PDE4D: variants seen among roughly 807,000 people sequenced by gnomAD.
The protein encoded by PDE4D is phosphodiesterase 4D, also known as 3',5'-cyclic-AMP phosphodiesterase 4D.
In PDE4D, 24 loss-of-function variants were observed where a neutral mutation model predicts 87.4. That is an observed-to-expected ratio of 0.27 (90% confidence interval 0.20 to 0.39). The LOEUF is 0.39. PDE4D is among the 10% of genes least tolerant of loss of function. The pLI is 1.00. For synonymous variants in PDE4D, 384 were observed against 383.2 expected, an observed-to-expected ratio of 1.00 and a Z score of -0.02; for missense variants, 714 against 1,041.0, an observed-to-expected ratio of 0.69 and a Z score of 4.32.
rs183661551 is a variant in PDE4D at position 59,452,557 on chromosome 5, T to C, written c.456-236589A>G. Reference sequence around the variant, plus strand: ...GGTGAAGCCATGGAGGAGACACAGCTACTGCCTGAGGTGCTGCCTCAGGTA... The same window carrying C: ...GGTGAAGCCATGGAGGAGACACAGCCACTGCCTGAGGTGCTGCCTCAGGTA... On this transcript the variant is annotated intron_variant, in intron 1 of 14. Transcript: ENST00000340635. 6.6e-4 allele frequency among the ~76,000 whole-genome samples: 100 copies of C among 152,276 alleles called. No individual in the cohort carries two copies. The Middle Eastern group carries it at 0.01, about 16-fold the overall frequency.
chr5:59,355,818 T>C (rs1249341709), intron 1 of PDE4D, among the ~76,000 whole-genome samples: 1 of 152,162 alleles, frequency 6.6e-6, no homozygotes, highest in Admixed American at 6.5e-5. Context: ...TTAATCCTTA[T>C]AAATTATTTT....
intron 1 of PDE4D, among the ~76,000 whole-genome samples, chr5:59,517,209 G>GTA (rs1261300868): frequency 6.6e-6 from 1 of 152,196 alleles, no homozygotes; most frequent in Non-Finnish European, 1.5e-5. Context: ...TAAACATGTA[G>GTA]TATAGACAGG....
intron 1 of PDE4D, among the ~76,000 whole-genome samples, chr5:59,336,557 T>C (rs1254194544): frequency 6.6e-6 from 1 of 152,188 alleles, no homozygotes; most frequent in Non-Finnish European, 1.5e-5. Context: ...CTTTAGCTTA[T>C]TGACTACTTT....
At chr5:59,673,707 G>C (rs1418024191) in intron 1 of PDE4D, among the ~76,000 whole-genome samples, 2 of 151,962 alleles carry the variant, frequency 1.3e-5, no homozygotes, top group East Asian at 1.9e-4. Context: ...ATGATGAGTT[G>C]GCCCATACAT....
chr5:60,307,412 TAAGTAA>T (rs1374499603), intron 1 of PDE4D, among the ~76,000 whole-genome samples: 4 of 152,174 alleles, frequency 2.6e-5, no homozygotes, highest in Admixed American at 1.3e-4. Flanking sequence ...GATTTTAGTA[TAAGTAA>T]ATGTGACATA....
intron 1 of PDE4D, among the ~76,000 whole-genome samples, chr5:59,719,523 G>C (rs1354720264): frequency 6.6e-6 from 1 of 152,058 alleles, no homozygotes; most frequent in Admixed American, 6.6e-5. Flanking sequence ...TTCCAACCAG[G>C]TCTCAAAATC....
intron 1 of PDE4D, among the ~76,000 whole-genome samples, chr5:59,725,310 G>A (rs1329826186): frequency 6.6e-6 from 1 of 152,060 alleles, no homozygotes. Flanking sequence ...TTTGCTCACT[G>A]CTGGGCCTGT....
rs1185466180 is a variant in PDE4D at position 58,972,675 on chromosome 5, G to T, written c.*1989C>A. The T allele has an allele frequency of 6.6e-6, 1 of 152,028 alleles. No individual in the cohort carries two copies. The highest frequency in any genetic ancestry group is 1.5e-5 in the Non-Finnish European group (1 of 68,008). 9.4% of individuals were successfully genotyped at this position (152,028 alleles called of 1,614,324 possible). On this transcript the variant is annotated 3_prime_UTR_variant, in exon 15 of 15. Coordinates refer to ENST00000340635, the MANE Select transcript of PDE4D (RefSeq NM_001104631.2). ...ATATCAATGTGAAAAATGATTATTT[G>T]GGCTTTAAAGTCTTCATAGAGAAGG...
chr5:60,063,051 C>A, intron 2 of PDE4D, among the ~76,000 whole-genome samples: 1 of 138,944 alleles, frequency 7.2e-6, no homozygotes, highest in African/African-American at 2.7e-5. Flanking sequence ...CCTGCATGTT[C>A]TGTATATGTA....
At chr5:59,785,064 A>G (rs1469283607) in intron 1 of PDE4D, among the ~76,000 whole-genome samples, 1 of 152,196 alleles carries the variant, frequency 6.6e-6, no homozygotes, top group Non-Finnish European at 1.5e-5. Context: ...TTTATCAGCA[A>G]TGTGAGAATG....
chr5:59,015,745 A>G (rs994074522), intron 6 of PDE4D, among the ~76,000 whole-genome samples: 1 of 152,198 alleles, frequency 6.6e-6, no homozygotes, highest in Non-Finnish European at 1.5e-5. Context: ...AACTAGAAAT[A>G]CCATTTGACC....
At chr5:59,992,191 C>G (rs561613485) in intron 2 of PDE4D, among the ~76,000 whole-genome samples, 20 of 152,310 alleles carry the variant, frequency 1.3e-4, no homozygotes, top group African/African-American at 4.8e-4. Context: ...CCTTGAGCCA[C>G]AGACTGAAAA....
chr5:59,264,549 A>T (rs1206105029), intron 1 of PDE4D, among the ~76,000 whole-genome samples: 1 of 152,002 alleles, frequency 6.6e-6, no homozygotes, highest in Non-Finnish European at 1.5e-5. Flanking sequence ...ATATACTAGT[A>T]GACTCTTAAC....
intron 3 of PDE4D, among the ~76,000 whole-genome samples, chr5:59,948,858 A>T (rs751563559): frequency 2.6e-5 from 4 of 152,172 alleles, no homozygotes; most frequent in Non-Finnish European, 5.9e-5. Flanking sequence ...TACCTTAATG[A>T]CCTTAAGCAA....
intron 1 of PDE4D, among the ~76,000 whole-genome samples, chr5:60,423,696 G>T (rs1360888775): frequency 1.3e-5 from 2 of 152,110 alleles, no homozygotes; most frequent in Non-Finnish European, 2.9e-5. Context: ...ACTAAGATCA[G>T]AGGAGAACTG....
intron 1 of PDE4D, among the ~76,000 whole-genome samples, chr5:59,736,769 T>TA (rs774289407): frequency 2.0e-5 from 3 of 152,014 alleles, no homozygotes; most frequent in Non-Finnish European, 4.4e-5. Context: ...GGTTAAAAGG[T>TA]ATGTGCAATA....
chr5:59,469,773 T>C (rs778715471), intron 1 of PDE4D, among the ~76,000 whole-genome samples: 4 of 152,116 alleles, frequency 2.6e-5, no homozygotes, highest in Non-Finnish European at 5.9e-5. Context: ...AGATCTCATT[T>C]ACGAAGAGGA....
At chr5:59,378,049 A>G (rs911556732) in intron 1 of PDE4D, among the ~76,000 whole-genome samples, 1 of 152,200 alleles carries the variant, frequency 6.6e-6, no homozygotes, top group Non-Finnish European at 1.5e-5. Flanking sequence ...TCAATGATAG[A>G]CTGGATAAAA....
rs1019683636 is a variant in PDE4D at position 59,908,865 on chromosome 5, C to T, written c.272+79623G>A. Among the ~76,000 whole-genome samples, 3 of 152,254 alleles carry T rather than the reference C, an allele frequency of 2.0e-5. No homozygotes were observed. The East Asian group carries it at 5.8e-4, about 29-fold the overall frequency. On this transcript the variant is annotated intron_variant, in intron 3 of 16. Transcript: ENST00000502484. ...GGGGAAAACTAATTATTAGAATACA[C>T]TTGGAAATAACACAAAGTGGTAGCT... is the stretch of plus-strand genomic sequence containing the variant.
Sources: allele counts gnomAD v4.1 joint callset (sites outside exome capture counted in the v4.1 genomes callset), GRCh38; gene constraint gnomAD v4.1.1; transcripts MANE v1.5; gene names NCBI Gene and HGNC (gene_info 2026-07-23, HGNC 2026-07-21).